The following PRSS50 variants were observed in gnomAD, a reference collection of about 807,000 sequenced individuals.
PRSS50 encodes the protein serine protease 50, also known as probable threonine protease PRSS50.
In PRSS50, 23 loss-of-function variants were observed where a neutral mutation model predicts 34.2. The observed-to-expected ratio is 0.67, with a 90% CI of 0.48 to 0.95. The LOEUF is 0.95. Among genes scored for constraint, PRSS50 ranks in the 40% least tolerant of loss-of-function variants. PRSS50 has a pLI of 0.00. For missense variants in PRSS50, 484 were observed against 513.4 expected, an observed-to-expected ratio of 0.94 and a Z score of 0.55; for synonymous variants, 224 against 211.2, an observed-to-expected ratio of 1.06 and a Z score of -0.53.
rs144678242 is a variant in PRSS50 at position 46,714,218 on chromosome 3, C to T, written c.754G>A (p.Gly252Ser). ...CTGGTCTGCAGAGGCTTTGACTCACCGTCAGCCTTGGAAAGTCCCCAGCCC... is the reference window on the plus strand; with the variant it reads ...CTGGTCTGCAGAGGCTTTGACTCACTGTCAGCCTTGGAAAGTCCCCAGCCC... ...VTGWGLSKAD[G>S]MWPQFRTIQE... is the part of the protein sequence containing the mutation. Residue 252 changes from glycine to serine, a missense_variant and splice_region_variant, in exon 4 of 6, where the codon GGC (glycine) becomes AGC (serine). Physicochemically the swap from Gly to Ser is moderately conservative, Grantham distance 56. Transcript: ENST00000315170. The T allele has an allele frequency of 2.0e-5, 33 of 1,613,278 alleles. No homozygotes were observed. In the Middle Eastern group the frequency reaches 5.0e-4, roughly 24 times the overall value.
Position 46,713,069 on chromosome 3 carries a change from T to C in PRSS50, c.755-2A>G, listed in dbSNP as rs113933077. The stretch of plus-strand genomic sequence containing the variant: ...TGGTCCGGAACTGAGGCCACATGCC[T>C]GTGGGACAGGGCCCCATTTAGGCGC... On this transcript the variant is annotated splice_acceptor_variant, in intron 4 of 5. Transcript: ENST00000315170. LOFTEE classifies it high-confidence loss of function. The C allele has an allele frequency of 1.2e-6, 2 of 1,613,704 alleles. No individual in the cohort carries two copies. Among genetic ancestry groups the C allele is most frequent in the African/African-American group, 2.7e-5 (2 of 74,920 alleles).
Position 46,716,527 on chromosome 3 carries a change from G to T in PRSS50, c.308-830C>A, listed in dbSNP as rs1333122677. On this transcript the variant is annotated intron_variant, in intron 2 of 5. Coordinates refer to ENST00000315170, the MANE Select transcript of PRSS50 (RefSeq NM_013270.5). This position sits in a 1 kb window ranked among gnomAD's most constrained non-coding sequence, Gnocchi z 4.4. Reference sequence around the variant, plus strand: ...GATCTTACTGCCTCAGCCTCCAAAAGCGCTGGGATTATAAGCATGACCCAC... The same window carrying T: ...GATCTTACTGCCTCAGCCTCCAAAATCGCTGGGATTATAAGCATGACCCAC... Among the ~76,000 whole-genome samples, 1 of 152,130 alleles carries T rather than the reference G, an allele frequency of 6.6e-6. No homozygotes were observed. Among genetic ancestry groups the T allele is most frequent in the Non-Finnish European group, 1.5e-5 (1 of 68,028 alleles).
At chr3:46,713,896 C>T (rs1236018698) in intron 4 of PRSS50, among the ~76,000 whole-genome samples, 1 of 152,238 alleles carries the variant, frequency 6.6e-6, no homozygotes, top group Non-Finnish European at 1.5e-5. Flanking sequence ...TGCAAGCTGC[C>T]GATGCCTGGG....
chr3:46,715,627 C>G lies in PRSS50; in HGVS notation c.378G>C (p.Trp126Cys). 1 of 1,612,048 alleles carries G rather than the reference C, an allele frequency of 6.2e-7. No individual in the cohort carries two copies. Among genetic ancestry groups the G allele is most frequent in the South Asian group, 1.1e-5 (1 of 90,984 alleles). The change falls in exon 3 of 6, where the codon TGG becomes TGC. Residue 126 changes from tryptophan to cysteine, a missense_variant. By Grantham distance (215) the Trp-to-Cys change is radical. Transcript: ENST00000315170. The surrounding 1 kb of genome is among the most constrained non-coding windows in gnomAD (Gnocchi z 5.2). Reference sequence around the variant, plus strand: ...TGCCATTGGCCCGCACGCTGACCATCCAGGGCCACCGCCGAGCCACGGCTT... The same window carrying G: ...TGCCATTGGCCCGCACGCTGACCATGCAGGGCCACCGCCGAGCCACGGCTT... ...DPEAVARRWP[W>C]MVSVRANGTH...
rs1429248249 is a variant in PRSS50, at chr3:46,717,686, A to T, written c.106+33T>A. ...AGAGGTGGAAGGCGAGGGCCGCGTCAGGCGGGTGGGGTAGGGATCGGGAGG... is the reference window on the plus strand; with the variant it reads ...AGAGGTGGAAGGCGAGGGCCGCGTCTGGCGGGTGGGGTAGGGATCGGGAGG... On this transcript the variant is annotated intron_variant, in intron 1 of 5. Coordinates refer to ENST00000315170, the MANE Select transcript of PRSS50 (RefSeq NM_013270.5). This position sits in a 1 kb window ranked among gnomAD's most constrained non-coding sequence, Gnocchi z 4.5. 3 of 1,600,226 alleles carry T rather than the reference A, an allele frequency of 1.9e-6. No homozygotes were observed. The Admixed American group carries it at 5.2e-5, about 28-fold the overall frequency.
In PRSS50 at chr3:46,716,314, G is replaced by A. The variant is rs1210260515; in HGVS notation, c.308-617C>T. Among the ~76,000 whole-genome samples the A allele has an allele frequency of 2.6e-5, 4 of 152,084 alleles. No homozygotes were observed. Among genetic ancestry groups the A allele is most frequent in the African/African-American group, 9.7e-5 (4 of 41,408 alleles). The stretch of plus-strand genomic sequence containing the variant: ...TCTGTCACCCAGGCTGGAGTGCAGT[G>A]GTATGATCATTGTTCACTGTAACCT... On this transcript the variant is annotated intron_variant, in intron 2 of 5. Transcript: ENST00000315170. This position sits in a 1 kb window ranked among gnomAD's most constrained non-coding sequence, Gnocchi z 4.4.
chr3:46,712,496 T>A lies in PRSS50; in HGVS notation c.922-14A>T, dbSNP rs201980893. The A allele has an allele frequency of 1.2e-6, 2 of 1,612,964 alleles. No individual in the cohort carries two copies. Among genetic ancestry groups the A allele is most frequent in the Non-Finnish European group, 1.7e-6 (2 of 1,179,322 alleles). ...TCCAGTTAGCTCCTGTGGGAAGGGT[T>A]GGGGGAGTAAGGGTCAGGGAGGCCA... On this transcript the variant is annotated splice_polypyrimidine_tract_variant and intron_variant, in intron 5 of 5. Transcript: ENST00000315170.
In PRSS50 at chr3:46,712,333, G is replaced by A. The variant is rs373458879; in HGVS notation, c.1071C>T (p.Leu357=). 1.1e-5 allele frequency: 18 copies of A among 1,613,638 alleles called. No homozygotes were observed. Among genetic ancestry groups the A allele is most frequent in the East Asian group, 4.5e-5 (2 of 44,856 alleles). ...SSYQHWIWDC[L]NGQALALPAP... ...CTGGCAGGGCCAGGGCCTGCCCGTT[G>A]AGGCAGTCCCAGATCCAGTGTTGGT... Residue 357 remains leucine, a synonymous_variant, in exon 6 of 6, where the codon CTC becomes CTT. Transcript: ENST00000315170.
chr3:46,712,501 G>A lies in PRSS50; in HGVS notation c.922-19C>T. 1 of 1,612,414 alleles carries A rather than the reference G, an allele frequency of 6.2e-7. No individual in the cohort carries two copies. The highest frequency in any genetic ancestry group is 2.2e-5 in the East Asian group (1 of 44,854). The stretch of plus-strand genomic sequence containing the variant: ...TTAGCTCCTGTGGGAAGGGTTGGGG[G>A]AGTAAGGGTCAGGGAGGCCAGGCAA... On this transcript the variant is annotated intron_variant, in intron 5 of 5. Coordinates refer to ENST00000315170, the MANE Select transcript of PRSS50 (RefSeq NM_013270.5).
chr3:46,712,824 A>G, intron 5 of PRSS50, 77 bp downstream of exon 5: 1 of 1,277,604 alleles, frequency 7.8e-7, no homozygotes, highest in Non-Finnish European at 1.0e-6. Flanking sequence ...CCCAACCTCC[A>G]CCGTTCCGCT....
chr3:46,713,204 A>G, intron 4 of PRSS50, 137 bp from the exon 5 acceptor site: 1 of 1,085,920 alleles, frequency 9.2e-7, no homozygotes, highest in Non-Finnish European at 1.3e-6. Context: ...GTTCTAGCCC[A>G]TACCCATCTA....
rs143911001 is a variant in PRSS50, at chr3:46,717,585, G to A, written c.159C>T (p.Ala53=). The change falls in exon 2 of 6, where the codon GCC becomes GCT. Residue 53 remains alanine (A), a synonymous_variant. Transcript: ENST00000315170. This position sits in a 1 kb window ranked among gnomAD's most constrained non-coding sequence, Gnocchi z 4.5. ...APGALSTADP[A]DQSVQCVPKA... Reference sequence around the variant, plus strand: ...TGGGGACACACTGGACGCTCTGGTCGGCGGGATCAGCAGTGGACAGCGCCC... The same window carrying A: ...TGGGGACACACTGGACGCTCTGGTCAGCGGGATCAGCAGTGGACAGCGCCC... The A allele has an allele frequency of 3.7e-6, 6 of 1,613,456 alleles. No individual in the cohort carries two copies. Among genetic ancestry groups the A allele is most frequent in the Middle Eastern group, 1.7e-4 (1 of 6,028 alleles).
Position 46,714,384 on chromosome 3 carries a change from C to A in PRSS50, c.588G>T (p.Arg196=), listed in dbSNP as rs145314499. The change falls in exon 4 of 6, where the codon CGG becomes CGT. Residue 196 remains arginine, a synonymous_variant. Transcript: ENST00000315170. ...TGGCCTGGCCCACCCAGGACCAGAA[C>A]CGCTGGGCCCGGTACCTGCTATGCA... is the stretch of plus-strand genomic sequence containing the variant. ...VIMHSRYRAQ[R]FWSWVGQAND... 2.1e-5 allele frequency: 34 copies of A among 1,613,778 alleles called. No individual in the cohort carries two copies. In the African/African-American group the frequency reaches 4.3e-4, roughly 20 times the overall value.
intron 5 of PRSS50, 110 bp downstream of exon 5, chr3:46,712,791 G>GC: frequency 8.7e-7 from 1 of 1,143,218 alleles, no homozygotes. Context: ...CCAGAGTCCT[G>GC]CCCACCCCCT....
rs557111485 is a variant in PRSS50 at position 46,715,794 on chromosome 3, C to T, written c.308-97G>A. Reference sequence around the variant, plus strand: ...GTGCCTCTCCAGCCACTGGCCTGCACCCATCCAGGGGTGCTCCCTTTTCAC... The same window carrying T: ...GTGCCTCTCCAGCCACTGGCCTGCATCCATCCAGGGGTGCTCCCTTTTCAC... On this transcript the variant is annotated intron_variant, in intron 2 of 5. Transcript: ENST00000315170. This position sits in a 1 kb window ranked among gnomAD's most constrained non-coding sequence, Gnocchi z 5.2. 8.5e-3 allele frequency: 11,516 copies of T among 1,355,888 alleles called. 58 individuals carry two copies. The highest frequency in any genetic ancestry group is 1.0e-2 in the Non-Finnish European group (9,942 of 994,938). 84.0% of individuals were successfully genotyped at this position (1,355,888 alleles called of 1,614,324 possible). A position where few individuals can be genotyped will look rare whatever the true frequency, so the allele number is the denominator to read the frequency against.
At chr3:46,714,118 G>C in intron 4 of PRSS50, 100 bp downstream of exon 4, 1 of 1,453,908 alleles carries the variant, frequency 6.9e-7, no homozygotes. Context: ...AGGCTCCCTG[G>C]GGAAGGTGCC....
At chr3:46,712,808 C>T in intron 5 of PRSS50, 93 bp downstream of exon 5, 2 of 1,179,652 alleles carry the variant, frequency 1.7e-6, no homozygotes, top group South Asian at 1.3e-5. Flanking sequence ...CCCTTCCCTT[C>T]CCCTACCCAA....
Position 46,714,502 on chromosome 3 carries a change from C to T in PRSS50, c.471-1G>A. On this transcript the variant is annotated splice_acceptor_variant, in intron 3 of 5. Coordinates refer to ENST00000315170, the MANE Select transcript of PRSS50 (RefSeq NM_013270.5). LOFTEE classifies it high-confidence loss of function. ...CCTCACTGAGTAGATAACATCACGCCTAGGGGGGCCGTGAGGGGAGGCCAT... is the reference window on the plus strand; with the variant it reads ...CCTCACTGAGTAGATAACATCACGCTTAGGGGGGCCGTGAGGGGAGGCCAT... 6.3e-7 allele frequency: 1 copy of T among 1,575,944 alleles called. No homozygotes were observed.
chr3:46,712,991 G>T lies in PRSS50; in HGVS notation c.831C>A (p.Tyr277Ter). The T allele has an allele frequency of 6.2e-7, 1 of 1,614,152 alleles. No individual in the cohort carries two copies. Among genetic ancestry groups the T allele is most frequent in the Non-Finnish European group, 8.5e-7 (1 of 1,180,026 alleles). The change falls in exon 5 of 6, where the codon TAC becomes TAA. Residue 277 changes from tyrosine (Y) to a stop codon, truncating the protein, a stop_gained. Transcript: ENST00000315170. LOFTEE classifies it high-confidence loss of function. ...ILNNKECDNF[Y>*]HNFTKIPTLV... ...GAGTGGGGATTTTGGTGAAGTTGTG[G>T]TAGAAATTGTCACACTCTTTGTTGT...
Sources: allele counts gnomAD v4.1 joint callset (sites outside exome capture counted in the v4.1 genomes callset), GRCh38; gene constraint gnomAD v4.1.1; non-coding constraint Gnocchi (gnomAD v3.1); transcripts MANE v1.5; gene names NCBI Gene and HGNC (gene_info 2026-07-23, HGNC 2026-07-21).